The following LRSAM1 variants were observed in gnomAD, a reference collection of about 807,000 sequenced individuals.
LRSAM1 encodes the protein E3 ubiquitin-protein ligase LRSAM1.
A neutral mutation model predicts 118.1 loss-of-function variants in LRSAM1; 96 were observed. That is an observed-to-expected ratio of 0.81 (90% CI 0.69 to 0.96). LRSAM1 has a LOEUF of 0.96. Among genes scored for constraint, LRSAM1 ranks in the 40% least tolerant of loss-of-function variants. The pLI, the probability that LRSAM1 is intolerant of heterozygous loss-of-function variation, is 0.00. For missense variants in LRSAM1, 804 were observed against 915.5 expected, an observed-to-expected ratio of 0.88 and a Z score of 1.57; for synonymous variants, 322 against 364.2, an observed-to-expected ratio of 0.88 and a Z score of 1.32.
In LRSAM1 at chr9:127,487,745, C is replaced by T. The variant is rs771415278; in HGVS notation, c.1329C>T (p.Ile443=). The part of the protein sequence containing the change: ...SWQQMDQNKA[I]SQILQESAMQ... ...AGCAAATGGATCAGAACAAAGCCAT[C>T]AGCCAGATCCTGCAGGAGGTGAGCC... The change falls in exon 18 of 26, where the codon ATC becomes ATT. Residue 443 remains isoleucine, a synonymous_variant. Coordinates refer to ENST00000300417, the MANE Select transcript of LRSAM1 (RefSeq NM_001005373.4). 1 of 1,613,086 alleles carries T rather than the reference C, an allele frequency of 6.2e-7. No individual in the cohort carries two copies. Among genetic ancestry groups the T allele is most frequent in the African/African-American group, 1.3e-5 (1 of 74,922 alleles).
intron 4 of LRSAM1, 36 bp from the exon 5 acceptor site, chr9:127,455,540 G>T (rs1834485405): frequency 1.2e-6 from 2 of 1,610,890 alleles, no homozygotes; most frequent in South Asian, 1.1e-5. Flanking sequence ...AAACTGGCAG[G>T]AGGGGAGACA....
At position 127,495,852 on chromosome 9, in the gene LRSAM1, C is replaced by A. The variant is rs976367327; in HGVS notation, c.1699-112C>A. 3.4e-6 allele frequency: 5 copies of A among 1,485,114 alleles called. No homozygotes were observed. In the South Asian group the frequency reaches 6.1e-5, roughly 18 times the overall value. 92.0% of individuals were successfully genotyped at this position (1,485,114 alleles called of 1,614,324 possible). A position where few individuals can be genotyped will look rare whatever the true frequency, so the allele number is the denominator to read the frequency against. ...ACCTATGAGTTTTTGTAGGAAAAATCCCGAGTACATTCTATGTATTATGTT... is the reference window on the plus strand; with the variant it reads ...ACCTATGAGTTTTTGTAGGAAAAATACCGAGTACATTCTATGTATTATGTT... On this transcript the variant is annotated intron_variant, in intron 22 of 25. Coordinates refer to ENST00000300417, the MANE Select transcript of LRSAM1 (RefSeq NM_001005373.4).
intron 12 of LRSAM1, 92 bp from the exon 13 acceptor site, chr9:127,479,291 C>T: frequency 1.3e-6 from 2 of 1,582,756 alleles, no homozygotes; most frequent in Non-Finnish European, 1.7e-6. Flanking sequence ...TGGAGCCTGC[C>T]CTGTCAGTGT....
intron 8 of LRSAM1, 74 bp from the exon 9 acceptor site, chr9:127,462,178 T>C (rs1834772029): frequency 6.2e-7 from 1 of 1,605,862 alleles, no homozygotes; most frequent in African/African-American, 1.3e-5. Context: ...TCAGAGTGGC[T>C]CCCAGCGGGC....
intron 17 of LRSAM1, chr9:127,487,368 A>G: frequency 2.7e-6 from 1 of 367,916 alleles, no homozygotes. Flanking sequence ...CCACCCATGG[A>G]GGTGGCTGGG....
chr9:127,492,456 G>C (rs1835966055), intron 20 of LRSAM1, among the ~76,000 whole-genome samples: 1 of 152,206 alleles, frequency 6.6e-6, no homozygotes, highest in African/African-American at 2.4e-5. Flanking sequence ...CATTTGTGTG[G>C]GGCCCCACAC....
chr9:127,462,218 G>T (rs928131436), intron 8 of LRSAM1, 34 bp from the exon 9 acceptor site: 6 of 1,613,232 alleles, frequency 3.7e-6, no homozygotes, highest in South Asian at 1.1e-5. Flanking sequence ...ATGGGGATTT[G>T]GGGTGTTGAG....
chr9:127,462,466 T>C, intron 9 of LRSAM1, 93 bp downstream of exon 9: 3 of 1,587,886 alleles, frequency 1.9e-6, no homozygotes, highest in Non-Finnish European at 2.6e-6. Context: ...GATCTCACGG[T>C]ACCAGGGCCA....
At chr9:127,461,131 G>T in intron 7 of LRSAM1, 42 bp from the exon 8 acceptor site, 1 of 1,529,750 alleles carries the variant, frequency 6.5e-7, no homozygotes, top group South Asian at 1.1e-5. Context: ...TGGGATTACA[G>T]GCATAAGCCA....
At chr9:127,472,440 G>A (rs1242469286) in intron 10 of LRSAM1, among the ~76,000 whole-genome samples, 1 of 151,748 alleles carries the variant, frequency 6.6e-6, no homozygotes, top group Non-Finnish European at 1.5e-5. Context: ...TCAGGAGTTC[G>A]AGACCACCTT....
intron 6 of LRSAM1, 147 bp downstream of exon 6, chr9:127,457,540 A>G: frequency 1.3e-6 from 1 of 769,486 alleles, no homozygotes; most frequent in Non-Finnish European, 2.2e-6. Flanking sequence ...GGTTTACTGG[A>G]TACTTCTGTG....
chr9:127,479,344 G>C, intron 12 of LRSAM1, 39 bp from the exon 13 acceptor site: 1 of 1,613,888 alleles, frequency 6.2e-7, no homozygotes, highest in Non-Finnish European at 8.5e-7. Context: ...AACTCCCCCA[G>C]GGCCTGTGCT....
chr9:127,455,652 T>C, intron 5 of LRSAM1, 32 bp downstream of exon 5: 1 of 1,609,676 alleles, frequency 6.2e-7, no homozygotes, highest in African/African-American at 1.3e-5. Context: ...AGAGACTTTC[T>C]TGTTGCATGT....
intron 2 of LRSAM1, 25 bp from the exon 3 acceptor site, chr9:127,454,469 GTC>G: frequency 6.3e-7 from 1 of 1,586,002 alleles, no homozygotes; most frequent in Non-Finnish European, 8.6e-7. Flanking sequence ...AAATTCCCCA[GTC>G]CCTAACTTCT....
chr9:127,460,991 G>A (rs1303559835), intron 7 of LRSAM1, among the ~76,000 whole-genome samples, 182 bp from the exon 8 acceptor site: 1 of 151,656 alleles, frequency 6.6e-6, no homozygotes, highest in Non-Finnish European at 1.5e-5. Context: ...GAGTAGCTGG[G>A]ACTACAGGTG....
chr9:127,489,299 C>T, intron 18 of LRSAM1, 145 bp from the exon 19 acceptor site: 1 of 959,432 alleles, frequency 1.0e-6, no homozygotes, highest in Non-Finnish European at 1.6e-6. Context: ...AAGGTTTACA[C>T]AAGTGAGGTG....
chr9:127,475,940 A>G (rs930865531), intron 11 of LRSAM1, among the ~76,000 whole-genome samples: 13 of 152,060 alleles, frequency 8.5e-5, no homozygotes, highest in African/African-American at 2.2e-4. Context: ...GGGTTTCACC[A>G]TGTTGGCCAG....
chr9:127,480,718 C>T (rs948802280), intron 14 of LRSAM1, among the ~76,000 whole-genome samples: 35 of 152,314 alleles, frequency 2.3e-4, no homozygotes, highest in East Asian at 9.6e-4. Flanking sequence ...GACAGAGTCT[C>T]GCTGTGTCAC....
chr9:127,456,162 C>CAAAAAA (rs34459766), intron 5 of LRSAM1, among the ~76,000 whole-genome samples: 1 of 94,776 alleles, frequency 1.1e-5, no homozygotes, highest in Non-Finnish European at 2.1e-5. Context: ...TGAGAATATG[C>CAAAAAA]AAAAAAAAAA....
Sources: gnomAD v4.1 joint callset for allele counts (sites outside exome capture counted in the v4.1 genomes callset) on GRCh38, gnomAD v4.1.1 for gene constraint, MANE v1.5 for transcripts, NCBI Gene and HGNC (gene_info 2026-07-23, HGNC 2026-07-21) for gene names.